The following LMBR1 variants were observed in gnomAD, a reference collection of about 807,000 sequenced individuals.
LMBR1 encodes the protein limb development membrane protein 1, also known as limb region 1 protein homolog.
Under a neutral mutation model 73.9 loss-of-function variants are expected in LMBR1, and 52 were observed. The observed-to-expected ratio is 0.70, with a 90% CI of 0.56 to 0.89. LMBR1 has a LOEUF of 0.89. Among genes scored for constraint, LMBR1 ranks in the 40% least tolerant of loss-of-function variants. LMBR1 has a pLI of 0.00. For synonymous variants in LMBR1, 215 were observed against 209.4 expected, an observed-to-expected ratio of 1.03 and a Z score of -0.23; for missense variants, 539 against 579.8, an observed-to-expected ratio of 0.93 and a Z score of 0.72.
chr7:156,775,881 T>A (rs887344773), intron 5 of LMBR1, among the ~76,000 whole-genome samples: 14 of 151,944 alleles, frequency 9.2e-5, no homozygotes, highest in African/African-American at 3.1e-4. Flanking sequence ...AGAGCCCCAA[T>A]GCCAGAAGTA....
chr7:156,671,283 G>C (rs986706088), intron 4 of LMBR1, among the ~76,000 whole-genome samples: 5 of 152,210 alleles, frequency 3.3e-5, no homozygotes, highest in Non-Finnish European at 7.3e-5. Context: ...GCACCAATCA[G>C]ATTATGTATG....
intron 9 of LMBR1, among the ~76,000 whole-genome samples, chr7:156,751,873 T>A (rs1232439154): frequency 2.0e-5 from 3 of 152,226 alleles, no homozygotes; most frequent in African/African-American, 7.2e-5. Context: ...GACATCCAAA[T>A]GGAAATTTCC....
chr7:156,755,943 G>A (rs1180122786), intron 9 of LMBR1, among the ~76,000 whole-genome samples: 2 of 152,106 alleles, frequency 1.3e-5, no homozygotes, highest in Admixed American at 6.5e-5. Context: ...AATGCAGTTC[G>A]TTATTAATTA....
chr7:156,739,101 C>T (rs990037956), intron 9 of LMBR1, among the ~76,000 whole-genome samples: 5 of 151,366 alleles, frequency 3.3e-5, no homozygotes, highest in African/African-American at 1.2e-4. Context: ...GCCCACTACC[C>T]TGTAGGGTGA....
chr7:156,892,626 G>A (rs1803275105), intron 1 of LMBR1: 1 of 282,472 alleles, frequency 3.5e-6, no homozygotes, highest in Non-Finnish European at 6.6e-6. Context: ...GCAGCACCGA[G>A]GCCGCGGGGC....
At chr7:156,736,255 T>C (rs909103415) in intron 9 of LMBR1, among the ~76,000 whole-genome samples, 2 of 152,168 alleles carry the variant, frequency 1.3e-5, no homozygotes, top group African/African-American at 4.8e-5. Context: ...GAAAGGGCAA[T>C]AGATGCTTGT....
intron 1 of LMBR1, among the ~76,000 whole-genome samples, chr7:156,862,579 G>C (rs576492576): frequency 6.6e-6 from 1 of 151,644 alleles, no homozygotes; most frequent in Admixed American, 6.6e-5. Flanking sequence ...GAAAGAAAAA[G>C]TGATAAACTG....
intron 4 of LMBR1, among the ~76,000 whole-genome samples, chr7:156,803,894 CA>C (rs1224068043): frequency 6.8e-6 from 1 of 147,456 alleles, no homozygotes; most frequent in African/African-American, 2.5e-5. Flanking sequence ...ATCGCAAGGA[CA>C]AAAAACCAAA....
intron 14 of LMBR1, among the ~76,000 whole-genome samples, chr7:156,724,768 G>C (rs1440275245): frequency 3.9e-5 from 1 of 25,622 alleles, no homozygotes; most frequent in Non-Finnish European, 8.6e-5. Flanking sequence ...AAATAGCTGT[G>C]TGTGTGTGTG....
intron 5 of LMBR1, among the ~76,000 whole-genome samples, chr7:156,792,069 T>C (rs1829312731): frequency 6.6e-6 from 1 of 152,192 alleles, no homozygotes; most frequent in Admixed American, 6.5e-5. Context: ...TAACTACCAT[T>C]TAAACACTGG....
chr7:156,803,998 TGGGGGGA>T, intron 4 of LMBR1, among the ~76,000 whole-genome samples: 1 of 28,484 alleles, frequency 3.5e-5, no homozygotes, highest in African/African-American at 1.5e-4. Flanking sequence ...TGTTGTGGGG[TGGGGGGA>T]GGGGGGAGGG....
intron 1 of LMBR1, among the ~76,000 whole-genome samples, chr7:156,889,060 A>C (rs1802441131): frequency 6.6e-6 from 1 of 152,196 alleles, no homozygotes; most frequent in Non-Finnish European, 1.5e-5. Context: ...TCTCAAAAAA[A>C]AAAAAGAAAG....
At chr7:156,859,950 C>T (rs564918557) in intron 1 of LMBR1, among the ~76,000 whole-genome samples, 1 of 152,196 alleles carries the variant, frequency 6.6e-6, no homozygotes, top group South Asian at 2.1e-4. Flanking sequence ...AGAAAAAGAT[C>T]AATGGAACAG....
intron 4 of LMBR1, among the ~76,000 whole-genome samples, chr7:156,804,419 T>C (rs1415486102): frequency 3.3e-5 from 5 of 152,256 alleles, no homozygotes; most frequent in Non-Finnish European, 7.3e-5. Context: ...GGTCATATGG[T>C]AGATACCTGT....
At chr7:156,742,716 T>C (rs1292298252) in intron 9 of LMBR1, among the ~76,000 whole-genome samples, 1 of 152,110 alleles carries the variant, frequency 6.6e-6, no homozygotes, top group South Asian at 2.1e-4. Flanking sequence ...CTATTCAAAC[T>C]ACTCTGAAAA....
At chr7:156,855,676 A>G (rs190399151) in intron 1 of LMBR1, among the ~76,000 whole-genome samples, 1 of 151,334 alleles carries the variant, frequency 6.6e-6, no homozygotes. Flanking sequence ...CAAAAAAAAA[A>G]AAAAAAAAAA....
At chr7:156,810,076 AAAAG>A (rs1279012087) in intron 4 of LMBR1, among the ~76,000 whole-genome samples, 6 of 152,252 alleles carry the variant, frequency 3.9e-5, no homozygotes, top group African/African-American at 1.2e-4. Context: ...TATTAAAAAA[AAAAG>A]AGAGAGATTT....
In LMBR1 at chr7:156,884,949, C is replaced by A. The variant is rs142579640; in HGVS notation, c.66+7979G>T. On this transcript the variant is annotated intron_variant, in intron 1 of 16. Coordinates refer to ENST00000353442, the MANE Select transcript of LMBR1 (RefSeq NM_022458.4). The stretch of plus-strand genomic sequence containing the variant: ...AGTAGAAAACAGCAGGTAAACTCAT[C>A]TAGAGAGGCAGTAGATGAAGGATAC... Among the ~76,000 whole-genome samples, 1,233 of 152,354 alleles carry A rather than the reference C, an allele frequency of 8.1e-3. 15 individuals are homozygous for A. Among genetic ancestry groups the A allele is most frequent in the Middle Eastern group, 0.02 (6 of 294 alleles).
chr7:156,719,232 T>C (rs1276246761), intron 15 of LMBR1, among the ~76,000 whole-genome samples: 1 of 149,406 alleles, frequency 6.7e-6, no homozygotes, highest in Non-Finnish European at 1.5e-5. Flanking sequence ...ACATGTGGTG[T>C]TTGGTTTTTT....
Sources: allele counts gnomAD v4.1 joint callset (sites outside exome capture counted in the v4.1 genomes callset), GRCh38; gene constraint gnomAD v4.1.1; transcripts MANE v1.5; gene names NCBI Gene and HGNC (gene_info 2026-07-23, HGNC 2026-07-21).